ZFP64: variants seen among roughly 807,000 people sequenced by gnomAD.
ZFP64 encodes the protein ZFP64 zinc finger protein.
ZFP64 carries 14 observed loss-of-function variants against 51.6 expected under a neutral mutation model. The ratio of observed to expected loss-of-function variants is 0.27; its 90% CI spans 0.18 to 0.42. The LOEUF is 0.42. ZFP64 is among the 10% of genes least tolerant of loss of function. The probability of loss-of-function intolerance (pLI) is 1.00; values close to 1 mark genes in which losing one functional copy is unlikely to be tolerated. For missense variants in ZFP64, 754 were observed against 906.8 expected (o/e 0.83, Z 2.16); for synonymous variants, 375 against 361.4 (o/e 1.04, Z -0.43).
Position 52,146,091 on chromosome 20 carries a change from A to C in ZFP64, c.763+14032T>G, listed in dbSNP as rs184512918. Among the ~76,000 whole-genome samples the C allele has an allele frequency of 2.3e-3, 348 of 152,172 alleles. 1 individual carries two copies. Among genetic ancestry groups the C allele is most frequent in the African/African-American group, 8.0e-3 (331 of 41,538 alleles). ...CTTTTTCAACTTAAAAAAAAAACAA[A>C]CTAAGACACAAACATGCGCATTAGC... On this transcript the variant is annotated intron_variant, in intron 5 of 8. Transcript: ENST00000361387.
chr20:52,106,328 T>G (rs1478430443), intron 5 of ZFP64, among the ~76,000 whole-genome samples: 1 of 152,228 alleles, frequency 6.6e-6, no homozygotes, highest in Admixed American at 6.5e-5. Flanking sequence ...GTTTACTTTC[T>G]TCAAATTAGG....
At position 52,130,026 on chromosome 20, in the gene ZFP64, A is replaced by T. The variant is rs978041406; in HGVS notation, c.763+30097T>A. Among the ~76,000 whole-genome samples the T allele has an allele frequency of 3.3e-5, 5 of 151,514 alleles. No homozygotes were observed. The East Asian group carries it at 9.7e-4, about 29-fold the overall frequency. On this transcript the variant is annotated intron_variant, in intron 5 of 8. Transcript: ENST00000361387. ...AGGTTTTTGCATTCCCTTTGCCTGG[A>T]ACTCTGTTCCTCTCGAGATCCACAT... is the stretch of plus-strand genomic sequence containing the variant.
intron 5 of ZFP64, chr20:52,110,355 C>T (rs1278301085): frequency 2.1e-5 from 11 of 523,262 alleles, no homozygotes; most frequent in African/African-American, 9.7e-5. Flanking sequence ...TACAACTCCT[C>T]GTTCTCAGCC....
In ZFP64 at chr20:52,134,100, A is replaced by AC. The variant is rs1979857338; in HGVS notation, c.763+26022_763+26023insG. Among the ~76,000 whole-genome samples the AC allele has an allele frequency of 2.6e-5, 4 of 151,900 alleles. No homozygotes were observed. The South Asian group carries it at 8.3e-4, about 32-fold the overall frequency. The stretch of plus-strand genomic sequence containing the variant: ...GAAATCACACACTCACCCCACTGAG[A>AC]ACTAAATGCTAAGGCAGATTTACTG... On this transcript the variant is annotated intron_variant, in intron 5 of 8. Transcript: ENST00000361387.
At chr20:52,118,012 G>T in intron 5 of ZFP64, among the ~76,000 whole-genome samples, 1 of 151,930 alleles carries the variant, frequency 6.6e-6, no homozygotes, top group East Asian at 1.9e-4. Flanking sequence ...TGCCCAGGCT[G>T]GTCTTGAACT....
At position 52,175,799 on chromosome 20, in the gene ZFP64, G is replaced by C. The variant is rs1983149520; in HGVS notation, c.287-9774C>G. ...GCAGAGGTTGCAGTGAGCCGAGATC[G>C]CACTACACTCCAGCCTGGGTGGCAG... On this transcript the variant is annotated intron_variant, in intron 2 of 5. Transcript: ENST00000216923. 7.0e-6 allele frequency: 4 copies of C among 571,980 alleles called. No individual in the cohort carries two copies. In the South Asian group the frequency reaches 3.0e-4, roughly 43 times the overall value. 35.4% of individuals were successfully genotyped at this position (571,980 alleles called of 1,614,324 possible). A position where few individuals can be genotyped will look rare whatever the true frequency, so the allele number is the denominator to read the frequency against.
intron 5 of ZFP64, among the ~76,000 whole-genome samples, chr20:52,122,245 G>A (rs183785511): frequency 3.4e-4 from 52 of 152,166 alleles, no homozygotes; most frequent in East Asian, 2.5e-3. Context: ...TTTTACTCAC[G>A]CCTGTAATCC....
intron 5 of ZFP64, among the ~76,000 whole-genome samples, chr20:52,124,144 G>C (rs1042509801): frequency 7.0e-6 from 1 of 142,958 alleles, no homozygotes; most frequent in African/African-American, 2.6e-5. Context: ...TGCTGGGCTA[G>C]TAAACTTTTC....
At chr20:52,127,341 C>G in intron 5 of ZFP64, among the ~76,000 whole-genome samples, 1 of 151,784 alleles carries the variant, frequency 6.6e-6, no homozygotes, top group East Asian at 1.9e-4. Context: ...TATGGTTAGG[C>G]TTTGTGTTCC....
exon 7 of ZFP64, chr20:52,097,394 G>A (rs1477365817): frequency 2.5e-5 from 41 of 1,612,728 alleles, no homozygotes; most frequent in Non-Finnish European, 3.3e-5. Flanking sequence ...CTGAGATGGC[G>A]GTCCAAGTCT....
chr20:52,181,602 T>C (rs1042938930), intron 2 of ZFP64, among the ~76,000 whole-genome samples: 1 of 152,108 alleles, frequency 6.6e-6, no homozygotes, highest in East Asian at 1.9e-4. Context: ...GTCTGGAAAA[T>C]GTCCAGATGA....
At chr20:52,098,594 T>A in intron 5 of ZFP64, 1 of 1,614,070 alleles carries the variant, frequency 6.2e-7, no homozygotes, top group East Asian at 2.2e-5. Context: ...GAAGCTGAAA[T>A]TGAGGCATAG....
chr20:52,159,630 C>T (rs1443687553), intron 5 of ZFP64, among the ~76,000 whole-genome samples: 1 of 152,170 alleles, frequency 6.6e-6, no homozygotes, highest in African/African-American at 2.4e-5. Context: ...GTGGGCAGAC[C>T]ACTTGAGGTC....
intron 5 of ZFP64, among the ~76,000 whole-genome samples, chr20:52,099,181 T>G (rs1222806338): frequency 6.6e-6 from 1 of 152,184 alleles, no homozygotes; most frequent in Non-Finnish European, 1.5e-5. Context: ...ACCTAGTTTT[T>G]TCTAACAATT....
chr20:52,086,743 G>A (rs1337052982), intron 8 of ZFP64, among the ~76,000 whole-genome samples: 1 of 152,130 alleles, frequency 6.6e-6, no homozygotes, highest in African/African-American at 2.4e-5. Flanking sequence ...CTCCCAAAGT[G>A]CTGGGATTAC....
chr20:52,174,665 T>C (rs1983039646), intron 2 of ZFP64, among the ~76,000 whole-genome samples: 2 of 152,164 alleles, frequency 1.3e-5, no homozygotes, highest in Non-Finnish European at 2.9e-5. Context: ...GGTTGCTGAA[T>C]AGTTTAACCA....
At chr20:52,154,064 AT>A (rs1183979524) in intron 5 of ZFP64, among the ~76,000 whole-genome samples, 6 of 152,212 alleles carry the variant, frequency 3.9e-5, no homozygotes, top group Admixed American at 3.3e-4. Context: ...TCGCTGAAAG[AT>A]GAGCAAGGCA....
intron 2 of ZFP64, among the ~76,000 whole-genome samples, chr20:52,186,418 A>ATT (rs11336316): frequency 6.8e-6 from 1 of 147,540 alleles, no homozygotes; most frequent in South Asian, 2.1e-4. Context: ...CAGTTTATAG[A>ATT]TTTTTTTTTT....
chr20:52,180,172 G>C (rs1337767011), intron 2 of ZFP64, among the ~76,000 whole-genome samples: 1 of 152,228 alleles, frequency 6.6e-6, no homozygotes, highest in African/African-American at 2.4e-5. Flanking sequence ...CCAGTTCCTA[G>C]CAACACCAAG....
Sources: gnomAD v4.1 joint callset for allele counts (sites outside exome capture counted in the v4.1 genomes callset) on GRCh38, gnomAD v4.1.1 for gene constraint, MANE v1.5 for transcripts, NCBI Gene and HGNC (gene_info 2026-07-23, HGNC 2026-07-21) for gene names.